FER: variants seen among roughly 807,000 people sequenced by gnomAD.
FER encodes FER tyrosine kinase, also known as tyrosine-protein kinase Fer.
A neutral mutation model predicts 111.0 loss-of-function variants in FER; 63 were observed. The ratio of observed to expected loss-of-function variants is 0.57; its 90% CI spans 0.46 to 0.70. FER has a LOEUF of 0.70. Ranked by LOEUF, FER falls within the 30% of genes least tolerant of loss-of-function variation. The pLI, the probability that FER is intolerant of heterozygous loss-of-function variation, is 0.00. For synonymous variants in FER, 327 were observed against 313.9 expected, an observed-to-expected ratio of 1.04 and a Z score of -0.44; for missense variants, 914 against 954.0, an observed-to-expected ratio of 0.96 and a Z score of 0.55.
In FER at chr5:108,871,433, A is replaced by G; in HGVS notation, c.734A>G (p.Lys245Arg). ...LVTEEIVNVHKEIQMSVEQID... is the reference protein window; with the variant it reads ...LVTEEIVNVHREIQMSVEQID... ...ACAGAGGAAATAGTGAATGTCCATAAAGAGATTCAAATGTCGGTTGAACAG... is the reference window on the plus strand; with the variant it reads ...ACAGAGGAAATAGTGAATGTCCATAGAGAGATTCAAATGTCGGTTGAACAG... The change falls in exon 7 of 20, where the codon AAA becomes AGA. Residue 245 changes from lysine to arginine, a missense_variant. By Grantham distance (26) the Lys-to-Arg change is conservative. Transcript: ENST00000281092. 6.2e-7 allele frequency: 1 copy of G among 1,610,374 alleles called. No individual in the cohort carries two copies. Among genetic ancestry groups the G allele is most frequent in the Non-Finnish European group, 8.5e-7 (1 of 1,177,046 alleles).
At chr5:109,127,252 G>A (rs543740091) in intron 17 of FER, among the ~76,000 whole-genome samples, 119 of 151,960 alleles carry the variant, frequency 7.8e-4, no homozygotes, top group African/African-American at 2.7e-3. Context: ...TCCACCTTTG[G>A]GGATTATTTA....
chr5:108,856,297 A>G (rs1763000655), intron 5 of FER, among the ~76,000 whole-genome samples: 1 of 152,220 alleles, frequency 6.6e-6, no homozygotes, highest in South Asian at 2.1e-4. Context: ...TTTCAAAATC[A>G]TAAGGTACAA....
chr5:109,184,310 TG>T (rs1027719270), intron 18 of FER, among the ~76,000 whole-genome samples: 27 of 152,322 alleles, frequency 1.8e-4, no homozygotes, highest in African/African-American at 5.8e-4. Context: ...TGCGTGACCC[TG>T]GCAAGCCATC....
chr5:108,883,602 T>G (rs1169307893), intron 9 of FER, 84 bp downstream of exon 9: 2 of 1,174,620 alleles, frequency 1.7e-6, no homozygotes, highest in Non-Finnish European at 2.3e-6. Flanking sequence ...AGTGTGAACC[T>G]AACATTTCTA....
At chr5:108,799,496 A>G (rs866731404) in intron 3 of FER, among the ~76,000 whole-genome samples, 90 of 152,318 alleles carry the variant, frequency 5.9e-4, no homozygotes, top group African/African-American at 2.1e-3. Flanking sequence ...TCATATCTTT[A>G]ACTTCCTTTC....
chr5:109,136,047 G>C (rs1033611216), intron 17 of FER, among the ~76,000 whole-genome samples: 1 of 151,954 alleles, frequency 6.6e-6, no homozygotes, highest in Non-Finnish European at 1.5e-5. Context: ...CTTGAGGTCT[G>C]GAGTTTGAGA....
chr5:108,999,449 G>A (rs1764426531), intron 13 of FER, among the ~76,000 whole-genome samples: 1 of 151,920 alleles, frequency 6.6e-6, no homozygotes, highest in Non-Finnish European at 1.5e-5. Flanking sequence ...TCTTTAAATG[G>A]ATATTTTTAT....
At chr5:108,947,201 G>C (rs905981562) in intron 11 of FER, among the ~76,000 whole-genome samples, 15 of 151,896 alleles carry the variant, frequency 9.9e-5, no homozygotes, top group Admixed American at 3.9e-4. Flanking sequence ...GTTCTCTTGG[G>C]TGTGTACCCA....
intron 1 of FER, among the ~76,000 whole-genome samples, chr5:108,750,165 T>C (rs1251975785): frequency 6.6e-6 from 1 of 152,180 alleles, no homozygotes; most frequent in East Asian, 1.9e-4. Flanking sequence ...GGTTACCATA[T>C]ATAAAAGTGT....
In FER at chr5:108,913,934, C is replaced by A. The variant is rs527729630; in HGVS notation, c.1236+16086C>A. Among the ~76,000 whole-genome samples, 8 of 152,014 alleles carry A rather than the reference C, an allele frequency of 5.3e-5. No individual in the cohort carries two copies. The South Asian group carries it at 1.5e-3, about 28-fold the overall frequency. On this transcript the variant is annotated intron_variant, in intron 10 of 19. Coordinates refer to ENST00000281092, the MANE Select transcript of FER (RefSeq NM_005246.4). Reference sequence around the variant, plus strand: ...TCTGTGATTCCATTTATATGGAGCTCAAAAAAATGTAAAAGTAATCAATGA... The same window carrying A: ...TCTGTGATTCCATTTATATGGAGCTAAAAAAAATGTAAAAGTAATCAATGA...
chr5:108,913,470 C>T (rs1238374180), intron 10 of FER, among the ~76,000 whole-genome samples: 2 of 152,182 alleles, frequency 1.3e-5, no homozygotes, highest in Non-Finnish European at 2.9e-5. Flanking sequence ...TCTTGACTAA[C>T]ATAGCTATCA....
intron 16 of FER, among the ~76,000 whole-genome samples, chr5:109,088,417 TA>T (rs1328920647): frequency 6.6e-6 from 1 of 152,104 alleles, no homozygotes; most frequent in Non-Finnish European, 1.5e-5. Context: ...TGATAATCAA[TA>T]ATGGGAAATA....
At chr5:109,148,226 G>T (rs1004336505) in intron 17 of FER, among the ~76,000 whole-genome samples, 1 of 152,036 alleles carries the variant, frequency 6.6e-6, no homozygotes, top group African/African-American at 2.4e-5. Flanking sequence ...AAGCCTAAAT[G>T]TATGCCATAC....
At chr5:109,051,539 G>T (rs1581805005) in intron 16 of FER, 4 of 1,611,280 alleles carry the variant, frequency 2.5e-6, no homozygotes, top group Non-Finnish European at 8.5e-7. Context: ...GCCCAGTTTT[G>T]CTCACTTGCT....
intron 2 of FER, among the ~76,000 whole-genome samples, chr5:108,797,673 G>T (rs1490609895): frequency 6.6e-6 from 1 of 152,168 alleles, no homozygotes; most frequent in Admixed American, 6.5e-5. Context: ...CTCTTTCAGC[G>T]ATAGGAAGTT....
intron 16 of FER, among the ~76,000 whole-genome samples, chr5:109,065,223 C>A (rs1774936664): frequency 6.6e-6 from 1 of 151,736 alleles, no homozygotes; most frequent in Admixed American, 6.6e-5. Context: ...AGTTTGGAGC[C>A]CATACTGTTT....
intron 16 of FER, among the ~76,000 whole-genome samples, chr5:109,070,634 A>T (rs543010716): frequency 3.3e-5 from 5 of 152,128 alleles, no homozygotes; most frequent in Admixed American, 2.0e-4. Flanking sequence ...GTAGAAAAAG[A>T]ATTTAACTCT....
intron 16 of FER, among the ~76,000 whole-genome samples, chr5:109,059,071 TA>T (rs1358254080): frequency 6.6e-6 from 1 of 152,068 alleles, no homozygotes; most frequent in Non-Finnish European, 1.5e-5. Flanking sequence ...TAAACCTTGG[TA>T]ACAACCTCTT....
In FER at chr5:109,195,354, T is replaced by C. The variant is rs1759666442; in HGVS notation, c.*7779T>C. The stretch of plus-strand genomic sequence containing the variant: ...GACCAGTCCAACAGAAAATAACTTG[T>C]CATAATTCCACCTTAGATTCTAGAC... On this transcript the variant is annotated 3_prime_UTR_variant, in exon 20 of 20. Transcript: ENST00000281092. 6.6e-6 allele frequency: 1 copy of C among 152,194 alleles called. No individual in the cohort carries two copies. The highest frequency in any genetic ancestry group is 2.4e-5 in the African/African-American group (1 of 41,452). 9.4% of individuals were successfully genotyped at this position (152,194 alleles called of 1,614,324 possible).
Sources: gnomAD v4.1 joint callset for allele counts (sites outside exome capture counted in the v4.1 genomes callset) on GRCh38, gnomAD v4.1.1 for gene constraint, MANE v1.5 for transcripts, NCBI Gene and HGNC (gene_info 2026-07-23, HGNC 2026-07-21) for gene names.